Variants in PCDH15 observed in about 807,000 individuals in gnomAD.
PCDH15 encodes the protein protocadherin related 15, also known as protocadherin-15.
Under a neutral mutation model 178.5 loss-of-function variants are expected in PCDH15, and 129 were observed. That is an observed-to-expected ratio of 0.72 (90% CI 0.63 to 0.84). The LOEUF (loss-of-function observed/expected upper bound fraction) is 0.84, where lower values mean the gene tolerates loss of function less well. PCDH15 is among the 40% of genes least tolerant of loss of function. The probability of loss-of-function intolerance (pLI) is 0.00; values close to 1 mark genes in which losing one functional copy is unlikely to be tolerated. For synonymous variants in PCDH15, 800 were observed against 732.0 expected, an observed-to-expected ratio of 1.09 and a Z score of -1.50; for missense variants, 2,230 against 2,099.9, an observed-to-expected ratio of 1.06 and a Z score of -1.21.
chr10:54,375,608 A>G (rs1018271887), intron 4 of PCDH15, among the ~76,000 whole-genome samples: 1 of 151,730 alleles, frequency 6.6e-6, no homozygotes, highest in African/African-American at 2.4e-5. Flanking sequence ...ATTTCATAAC[A>G]AAAATTCAGT....
intron 2 of PCDH15, among the ~76,000 whole-genome samples, chr10:55,437,454 G>A (rs1489747415): frequency 6.6e-6 from 1 of 152,168 alleles, no homozygotes; most frequent in Non-Finnish European, 1.5e-5. Flanking sequence ...CTTGGAAAGT[G>A]TGGAGGTTCA....
At chr10:55,133,223 T>C (rs530879077) in intron 2 of PCDH15, among the ~76,000 whole-genome samples, 2 of 152,294 alleles carry the variant, frequency 1.3e-5, no homozygotes, top group African/African-American at 4.8e-5. Context: ...TCAAGGTCAC[T>C]ATTGGTGTCA....
At chr10:55,606,349 C>G (rs1354562569) in intron 2 of PCDH15, among the ~76,000 whole-genome samples, 1 of 140,230 alleles carries the variant, frequency 7.1e-6, no homozygotes, top group Non-Finnish European at 1.5e-5. Flanking sequence ...TCAATGCCAT[C>G]CCCATCAAGC....
At chr10:55,455,877 T>A (rs1281552398) in intron 2 of PCDH15, among the ~76,000 whole-genome samples, 1 of 152,152 alleles carries the variant, frequency 6.6e-6, no homozygotes, top group Admixed American at 6.6e-5. Flanking sequence ...GTGATTTGAG[T>A]GTTAAATTAA....
chr10:55,066,747 T>C (rs1190293715), intron 2 of PCDH15, among the ~76,000 whole-genome samples: 1 of 151,038 alleles, frequency 6.6e-6, no homozygotes. Flanking sequence ...CAAAACTATT[T>C]TTTTAAGTTT....
chr10:53,992,441 C>T (rs1221542573), intron 21 of PCDH15, among the ~76,000 whole-genome samples: 4 of 152,068 alleles, frequency 2.6e-5, no homozygotes, highest in African/African-American at 9.7e-5. Context: ...CTTATAAATT[C>T]CTAAAATATA....
intron 25 of PCDH15, among the ~76,000 whole-genome samples, chr10:53,925,343 C>T (rs974659916): frequency 7.2e-5 from 11 of 152,114 alleles, no homozygotes; most frequent in Non-Finnish European, 1.0e-4. Context: ...ACGCTTACCG[C>T]GAAGGTCTGC....
At chr10:55,544,176 T>TATATATATA (rs1841829381) in intron 2 of PCDH15, among the ~76,000 whole-genome samples, 2 of 90,880 alleles carry the variant, frequency 2.2e-5, no homozygotes, top group Non-Finnish European at 5.2e-5. Flanking sequence ...ATATATATAT[T>TATATATATA]ATACTGACAG....
intron 15 of PCDH15, among the ~76,000 whole-genome samples, chr10:54,131,926 T>C (rs2042470271): frequency 6.6e-6 from 1 of 152,186 alleles, no homozygotes; most frequent in Non-Finnish European, 1.5e-5. Flanking sequence ...GTGTTAATAT[T>C]CGAATGGGAT....
intron 1 of PCDH15, among the ~76,000 whole-genome samples, chr10:55,175,309 C>A (rs1026278135): frequency 6.6e-6 from 1 of 152,130 alleles, no homozygotes; most frequent in African/African-American, 2.4e-5. Context: ...GTAAAGCATG[C>A]CACTCTACCT....
chr10:54,969,699 C>A (rs1222804627), intron 2 of PCDH15, among the ~76,000 whole-genome samples: 1 of 152,166 alleles, frequency 6.6e-6, no homozygotes, highest in Non-Finnish European at 1.5e-5. Flanking sequence ...ACCTGGATTA[C>A]CTCTGAAAAG....
At chr10:54,187,231 T>C (rs2048551785) in intron 11 of PCDH15, among the ~76,000 whole-genome samples, 2 of 151,986 alleles carry the variant, frequency 1.3e-5, no homozygotes, top group Admixed American at 6.6e-5. Flanking sequence ...CTCTACTTCC[T>C]TTATACCTTA....
chr10:54,984,811 TGGGC>T, intron 2 of PCDH15, among the ~76,000 whole-genome samples: 1 of 152,214 alleles, frequency 6.6e-6, no homozygotes, highest in Non-Finnish European at 1.5e-5. Flanking sequence ...CAGTCCAGCC[TGGGC>T]CACAGAGTGA....
rs887830028 is a variant in PCDH15 at position 54,236,672 on chromosome 10, A to C, written c.985+151T>G. ...CAAATTGAGGAAGCAAATATCTTGA[A>C]TTATTATTTTTAAAATGTGTTTATA... On this transcript the variant is annotated intron_variant, in intron 9 of 37. Coordinates refer to ENST00000644397, the MANE Select transcript of PCDH15 (RefSeq NM_001384140.1). 3 of 705,788 alleles carry C rather than the reference A, an allele frequency of 4.3e-6. No homozygotes were observed. In the African/African-American group the frequency reaches 5.4e-5, roughly 13 times the overall value. 43.7% of individuals were successfully genotyped at this position (705,788 alleles called of 1,614,324 possible). A position where few individuals can be genotyped will look rare whatever the true frequency, so the allele number is the denominator to read the frequency against.
intron 3 of PCDH15, among the ~76,000 whole-genome samples, chr10:54,811,131 A>ATG (rs1001335387): frequency 4.3e-4 from 64 of 148,934 alleles, no homozygotes; most frequent in Non-Finnish European, 7.7e-4. Context: ...ACTCAATATT[A>ATG]TGTGTATATA....
At chr10:54,151,887 TTAG>T (rs2044574314) in intron 14 of PCDH15, among the ~76,000 whole-genome samples, 1 of 152,134 alleles carries the variant, frequency 6.6e-6, no homozygotes, top group South Asian at 2.1e-4. Flanking sequence ...TTGAGGTAAG[TTAG>T]TAGCACCAGA....
intron 1 of PCDH15, among the ~76,000 whole-genome samples, chr10:55,316,939 G>A (rs2132294921): frequency 6.6e-6 from 1 of 152,216 alleles, no homozygotes; most frequent in East Asian, 1.9e-4. Context: ...TTTGAAATCT[G>A]ACTAGATTCT....
At chr10:55,510,699 T>A (rs926497709) in intron 2 of PCDH15, among the ~76,000 whole-genome samples, 2 of 151,840 alleles carry the variant, frequency 1.3e-5, no homozygotes, top group Admixed American at 6.6e-5. Flanking sequence ...TGGAAAATAA[T>A]TTTTCCTTCT....
At chr10:54,579,216 A>C (rs1930160) in intron 2 of PCDH15, among the ~76,000 whole-genome samples, 142,453 of 152,044 alleles carry the variant, frequency 0.94, 67,001 homozygotes, top group Middle Eastern at 0.98. Flanking sequence ...TGTATAAAAC[A>C]CAAAGACTCA....
Sources: gnomAD v4.1 joint callset for allele counts (sites outside exome capture counted in the v4.1 genomes callset) on GRCh38, gnomAD v4.1.1 for gene constraint, MANE v1.5 for transcripts, NCBI Gene and HGNC (gene_info 2026-07-23, HGNC 2026-07-21) for gene names.